Variants in GRXCR2 observed in about 807,000 individuals in gnomAD.
The protein encoded by GRXCR2 is glutaredoxin and cysteine rich domain containing 2, also known as glutaredoxin domain-containing cysteine-rich protein 2.
Under a neutral mutation model 24.8 loss-of-function variants are expected in GRXCR2, and 23 were observed. The ratio of observed to expected loss-of-function variants is 0.93; its 90% CI spans 0.67 to 1.32. GRXCR2 has a LOEUF of 1.32. Ranked by LOEUF, GRXCR2 falls within the 40% of genes most tolerant of loss-of-function variation. The probability of loss-of-function intolerance (pLI) is 0.00; values close to 1 mark genes in which losing one functional copy is unlikely to be tolerated. For missense variants in GRXCR2, 315 were observed against 303.4 expected (o/e 1.04, Z -0.28); for synonymous variants, 130 against 116.1 (o/e 1.12, Z -0.77).
intron 1 of GRXCR2, among the ~76,000 whole-genome samples, chr5:145,868,935 A>G (rs1371319063): frequency 6.6e-6 from 1 of 152,214 alleles, no homozygotes; most frequent in Admixed American, 6.5e-5. Context: ...TCAATGGGGA[A>G]CACCCAGTCC....
At chr5:145,892,847 A>G (rs949571562) in intron 2 of GRXCR2, among the ~76,000 whole-genome samples, 7 of 152,176 alleles carry the variant, frequency 4.6e-5, no homozygotes, top group African/African-American at 1.2e-4. Flanking sequence ...CACCGAAGTT[A>G]AAATGAAGGA....
chr5:145,897,611 C>T (rs1423510242), intron 2 of GRXCR2, among the ~76,000 whole-genome samples: 2 of 151,892 alleles, frequency 1.3e-5, no homozygotes, highest in Non-Finnish European at 2.9e-5. Flanking sequence ...CACAATTATA[C>T]TAACCATACA....
chr5:145,907,100 C>T (rs1435482340), intron 2 of GRXCR2, among the ~76,000 whole-genome samples: 5 of 151,978 alleles, frequency 3.3e-5, no homozygotes, highest in Admixed American at 3.3e-4. Context: ...GGGGGTAGGT[C>T]AGATGAGATT....
At chr5:145,905,179 C>T (rs1757073906) in intron 2 of GRXCR2, among the ~76,000 whole-genome samples, 1 of 152,186 alleles carries the variant, frequency 6.6e-6, no homozygotes, top group Middle Eastern at 3.2e-3. Context: ...ATACCCTTGA[C>T]TGATATAGAG....
intron 2 of GRXCR2, among the ~76,000 whole-genome samples, chr5:145,861,389 G>C (rs1756335512): frequency 6.6e-6 from 1 of 151,982 alleles, no homozygotes; most frequent in Non-Finnish European, 1.5e-5. Context: ...CTTGTTCATG[G>C]GCCTCTCTGT....
At chr5:145,930,891 T>A (rs1327425332) in intron 2 of GRXCR2, among the ~76,000 whole-genome samples, 2 of 152,226 alleles carry the variant, frequency 1.3e-5, no homozygotes, top group Admixed American at 6.5e-5. Flanking sequence ...GCTACTAGCA[T>A]CCTCACTTTA....
At chr5:145,885,392 T>G (rs1756764874) in intron 2 of GRXCR2, among the ~76,000 whole-genome samples, 1 of 152,138 alleles carries the variant, frequency 6.6e-6, no homozygotes. Flanking sequence ...CTAAGCTCCC[T>G]CCAGAGTGGG....
chr5:145,886,611 C>A (rs10074608), intron 2 of GRXCR2, among the ~76,000 whole-genome samples: 32,150 of 152,058 alleles, frequency 0.21, 4,119 homozygotes, highest in East Asian at 0.62. Context: ...ACTTACCATG[C>A]ATTCCTATCA....
chr5:145,892,888 T>C (rs1347402329), intron 2 of GRXCR2, among the ~76,000 whole-genome samples: 1 of 152,156 alleles, frequency 6.6e-6, no homozygotes, highest in African/African-American at 2.4e-5. Context: ...GAGAGAAAGG[T>C]TGGCTTACCC....
At chr5:145,895,057 C>T (rs1226060597) in intron 2 of GRXCR2, among the ~76,000 whole-genome samples, 1 of 152,080 alleles carries the variant, frequency 6.6e-6, no homozygotes, top group Admixed American at 6.6e-5. Context: ...TCAACAGATG[C>T]AGAAAAACCT....
chr5:145,919,071 T>A (rs1016466262), intron 2 of GRXCR2, among the ~76,000 whole-genome samples: 6 of 152,154 alleles, frequency 3.9e-5, no homozygotes, highest in Non-Finnish European at 5.9e-5. Flanking sequence ...CATCTGTTCT[T>A]GCGGTCAAGT....
chr5:145,870,393 T>G (rs866437845), intron 1 of GRXCR2, among the ~76,000 whole-genome samples: 1 of 152,164 alleles, frequency 6.6e-6, no homozygotes, highest in Non-Finnish European at 1.5e-5. Flanking sequence ...TCAACCACAT[T>G]GTGCATGTGT....
At chr5:145,874,855 A>G (rs1483651460), upstream of GRXCR2, among the ~76,000 whole-genome samples, 3 of 152,082 alleles carry the variant, frequency 2.0e-5, no homozygotes, top group South Asian at 4.2e-4. Context: ...AGTTACACCA[A>G]CAAGCTTACC....
chr5:145,884,280 A>G (rs1756745108), intron 2 of GRXCR2, among the ~76,000 whole-genome samples: 1 of 152,256 alleles, frequency 6.6e-6, no homozygotes, highest in East Asian at 1.9e-4. Context: ...AGGTCTCATC[A>G]AAAAGTCAAT....
chr5:145,868,915 AC>A (rs1756478348), intron 1 of GRXCR2, among the ~76,000 whole-genome samples: 1 of 152,250 alleles, frequency 6.6e-6, no homozygotes, highest in Non-Finnish European at 1.5e-5. Context: ...TTACGTGGTT[AC>A]ATCAAATGTC....
intron 2 of GRXCR2, among the ~76,000 whole-genome samples, chr5:145,904,293 A>T (rs1054174328): frequency 1.3e-5 from 2 of 152,196 alleles, no homozygotes; most frequent in African/African-American, 4.8e-5. Context: ...CTGAGGAAAC[A>T]TGGGATGGTA....
rs1264319289 is a variant in GRXCR2, at chr5:145,872,910, C to T, written c.59G>A (p.Arg20Gln). The T allele has an allele frequency of 6.2e-6, 10 of 1,614,056 alleles. No homozygotes were observed. Among genetic ancestry groups the T allele is most frequent in the Admixed American group, 1.7e-5 (1 of 59,994 alleles). The change falls in exon 1 of 3, where the codon CGA (arginine) becomes CAA (glutamine). Residue 20 changes from arginine to glutamine, a missense_variant. By Grantham distance (43) the Arg-to-Gln change is conservative. Transcript: ENST00000377976. ...QKSDGKPRKV[R>Q]FKISSSYSGR... is the part of the protein sequence containing the mutation. ...GCTGTAGGAGGAGGAGATTTTAAAT[C>T]GTACTTTCCGGGGTTTGCCATCACT...
chr5:145,923,742 C>T (rs180899484), intron 2 of GRXCR2, among the ~76,000 whole-genome samples: 33 of 152,272 alleles, frequency 2.2e-4, no homozygotes, highest in Admixed American at 1.1e-3. Flanking sequence ...ATTATGAGCA[C>T]TGCTTACCAT....
At chr5:145,894,653 C>T (rs998305011) in intron 2 of GRXCR2, among the ~76,000 whole-genome samples, 3 of 152,100 alleles carry the variant, frequency 2.0e-5, no homozygotes, top group South Asian at 2.1e-4. Context: ...AGCTTACCAA[C>T]CAAAAAAAGT....
Sources: allele counts gnomAD v4.1 joint callset (sites outside exome capture counted in the v4.1 genomes callset), GRCh38; gene constraint gnomAD v4.1.1; transcripts MANE v1.5; gene names NCBI Gene and HGNC (gene_info 2026-07-23, HGNC 2026-07-21).